The following ABCA5 variants were observed in gnomAD, a reference collection of about 807,000 sequenced individuals.
ABCA5 encodes ATP binding cassette subfamily A member 5.
ABCA5 carries 163 observed loss-of-function variants against 206.0 expected under a neutral mutation model. The observed-to-expected ratio is 0.79, with a 90% CI of 0.70 to 0.90. The LOEUF (loss-of-function observed/expected upper bound fraction) is 0.90. Among genes scored for constraint, ABCA5 ranks in the 40% least tolerant of loss-of-function variants. The pLI, the probability that ABCA5 is intolerant of heterozygous loss-of-function variation, is 0.00. For synonymous variants in ABCA5, 609 were observed against 613.8 expected (o/e 0.99, Z 0.11); for missense variants, 1,859 against 1,912.9 (o/e 0.97, Z 0.53).
At chr17:69,252,869 A>C (rs2075032615) in intron 34 of ABCA5, among the ~76,000 whole-genome samples, 2 of 151,910 alleles carry the variant, frequency 1.3e-5, no homozygotes, top group Non-Finnish European at 2.9e-5. Context: ...TTGTTCAACT[A>C]ATTAGTACTT....
At chr17:69,298,140 C>T (rs981723578) in intron 9 of ABCA5, among the ~76,000 whole-genome samples, 2 of 151,294 alleles carry the variant, frequency 1.3e-5, no homozygotes, top group African/African-American at 4.9e-5. Flanking sequence ...GAGCTGTGAT[C>T]GTGCCACTGC....
In ABCA5 at chr17:69,260,337, C is replaced by A. The variant is rs1206513696; in HGVS notation, c.3639+1G>T. On this transcript the variant is annotated splice_donor_variant, in intron 27 of 38. Coordinates refer to ENST00000392676, the MANE Select transcript of ABCA5 (RefSeq NM_172232.4). LOFTEE classifies it high-confidence loss of function. Reference sequence around the variant, plus strand: ...ATTCACAAAAACACTTTATTTCTTACCGATATAACAGCTACTGAAAGCCTA... The same window carrying A: ...ATTCACAAAAACACTTTATTTCTTAACGATATAACAGCTACTGAAAGCCTA... 1 of 1,596,604 alleles carries A rather than the reference C, an allele frequency of 6.3e-7. No homozygotes were observed. Among genetic ancestry groups the A allele is most frequent in the South Asian group, 1.1e-5 (1 of 88,950 alleles).
intron 24 of ABCA5, 43 bp from the exon 25 acceptor site, chr17:69,261,791 G>C (rs2075150833): frequency 1.3e-6 from 1 of 767,728 alleles, no homozygotes. Flanking sequence ...TGAATAGCTT[G>C]CAATACACAT....
rs187071607 is a variant in ABCA5, at chr17:69,281,153, A to G, written c.2392+2800T>C. On this transcript the variant is annotated intron_variant, in intron 18 of 38. Coordinates refer to ENST00000392676, the MANE Select transcript of ABCA5 (RefSeq NM_172232.4). The stretch of plus-strand genomic sequence containing the variant: ...ACAATTGAGGTTTATTTTAAACTCA[A>G]AAACATTCAGAACTTTCAACACAGA... Among the ~76,000 whole-genome samples, 133 of 152,036 alleles carry G rather than the reference A, an allele frequency of 8.7e-4. 1 individual carries two copies. In the Middle Eastern group the frequency reaches 0.014, roughly 16 times the overall value.
At chr17:69,309,507 A>G in intron 3 of ABCA5, 84 bp from the exon 4 acceptor site, 3 of 1,025,628 alleles carry the variant, frequency 2.9e-6, no homozygotes, top group South Asian at 4.6e-5. Flanking sequence ...ATTTTGATGA[A>G]TGGAATATTT....
In ABCA5 at chr17:69,326,193, C is replaced by T. The variant is rs887345004; in HGVS notation, c.-16+859G>A. Among the ~76,000 whole-genome samples, 1 of 152,198 alleles carries T rather than the reference C, an allele frequency of 6.6e-6. No individual in the cohort carries two copies. Among genetic ancestry groups the T allele is most frequent in the Non-Finnish European group, 1.5e-5 (1 of 68,028 alleles). On this transcript the variant is annotated intron_variant, in intron 1 of 38. Coordinates refer to ENST00000392676, the MANE Select transcript of ABCA5 (RefSeq NM_172232.4). This position sits in a 1 kb window ranked among gnomAD's most constrained non-coding sequence, Gnocchi z 4.8. The stretch of plus-strand genomic sequence containing the variant: ...CTTTGAGGCCCATTCTCCACACCTG[C>T]CCAACTGGAATAACCCCCTCCAATC...
chr17:69,301,203 G>A lies in ABCA5; in HGVS notation c.1203C>T (p.Ile401=). The A allele has an allele frequency of 6.2e-7, 1 of 1,602,710 alleles. No homozygotes were observed. The highest frequency in any genetic ancestry group is 1.1e-5 in the South Asian group (1 of 88,678). ...AGAATATACTATTAAGTGTGAGCATGATAATTGTAATAATTAGAGGATATG... is the reference window on the plus strand; with the variant it reads ...AGAATATACTATTAAGTGTGAGCATAATAATTGTAATAATTAGAGGATATG... The part of the protein sequence containing the change: ...AGPYPLIITI[I]MLTLNSIFYV... Residue 401 remains isoleucine (I), a synonymous_variant, in exon 9 of 39, where the codon ATC becomes ATT. Coordinates refer to ENST00000392676, the MANE Select transcript of ABCA5 (RefSeq NM_172232.4).
At chr17:69,314,640 C>G (rs956318820) in intron 1 of ABCA5, 1 of 428,892 alleles carries the variant, frequency 2.3e-6, no homozygotes, top group Non-Finnish European at 4.1e-6. Context: ...TAGGGTAGAC[C>G]AGAATTTGAA....
intron 26 of ABCA5, among the ~76,000 whole-genome samples, chr17:69,260,807 A>G (rs182537644): frequency 1.1e-3 from 166 of 151,958 alleles, no homozygotes; most frequent in Non-Finnish European, 1.7e-3. Context: ...ATTCTTTCTC[A>G]TCCCTTTATA....
Position 69,286,228 on chromosome 17 carries a change from G to C in ABCA5, c.2125C>G (p.Arg709Gly), listed in dbSNP as rs757213155. The C allele has an allele frequency of 3.7e-6, 6 of 1,602,196 alleles. No homozygotes were observed. The highest frequency in any genetic ancestry group is 3.4e-5 in the South Asian group (3 of 88,388). Residue 709 changes from arginine to glycine, a missense_variant, in exon 16 of 39, where the codon CGC becomes GGC. Arg to Gly is a moderately radical substitution (Grantham distance 125). Transcript: ENST00000392676. The part of the protein sequence containing the change: ...FLKSKWGIGY[R>G]LSMYIDKYCA... Reference sequence around the variant, plus strand: ...AATAAAAATGAATGATACCTCAGGCGGTAGCCGATCCCCCATTTACTTTTG... The same window carrying C: ...AATAAAAATGAATGATACCTCAGGCCGTAGCCGATCCCCCATTTACTTTTG...
intron 34 of ABCA5, 79 bp downstream of exon 34, chr17:69,253,494 A>G (rs1713828045): frequency 9.1e-6 from 8 of 877,192 alleles, no homozygotes. Flanking sequence ...TGTACATATA[A>G]CTAACATTAA....
At chr17:69,269,759 T>A (rs1176001645) in intron 22 of ABCA5, among the ~76,000 whole-genome samples, 1 of 152,162 alleles carries the variant, frequency 6.6e-6, no homozygotes, top group East Asian at 1.9e-4. Flanking sequence ...CACTGATACG[T>A]GTTACAAAAC....
rs142165698 is a variant in ABCA5, at chr17:69,277,786, C to A, written c.2449G>T (p.Asp817Tyr). The A allele has an allele frequency of 2.7e-4, 425 of 1,585,012 alleles. 4 individuals carry two copies. The African/African-American group carries it at 4.0e-3, about 15-fold the overall frequency. The change falls in exon 19 of 39, where the codon GAT becomes TAT. Residue 817 changes from aspartate to tyrosine, a missense_variant. Asp to Tyr is a radical substitution (Grantham distance 160, BLOSUM62 -3). Coordinates refer to ENST00000392676, the MANE Select transcript of ABCA5 (RefSeq NM_172232.4). ...LEEEMDSKSF[D>Y]EMEQSLLILS... ...ATAAGTAAGCTCTGTTCCATTTCAT[C>A]AAAAGATTTTGAATCCATTTCTTCC... is the stretch of plus-strand genomic sequence containing the variant.
intron 3 of ABCA5, among the ~76,000 whole-genome samples, chr17:69,311,225 T>C (rs1170458787): frequency 6.6e-6 from 1 of 151,974 alleles, no homozygotes; most frequent in Non-Finnish European, 1.5e-5. Flanking sequence ...AAATGCTTCA[T>C]AGATTCTAAA....
chr17:69,249,740 A>G (rs1033791539), intron 37 of ABCA5, 165 bp downstream of exon 37: 20 of 847,462 alleles, frequency 2.4e-5, no homozygotes, highest in Non-Finnish European at 3.5e-5. Flanking sequence ...AAATAAACCG[A>G]GTCCCCAGTT....
At position 69,270,637 on chromosome 17, in the gene ABCA5, C is replaced by A; in HGVS notation, c.3006G>T (p.Gln1002His). The A allele has an allele frequency of 6.3e-7, 1 of 1,594,470 alleles. No individual in the cohort carries two copies. Among genetic ancestry groups the A allele is most frequent in the Non-Finnish European group, 8.5e-7 (1 of 1,173,234 alleles). ...LYHLNVTETI[Q>H]IWSTPFFQEI... is the part of the protein sequence containing the mutation. ...CTTGAAAGAATGGGGTACTCCAGATCTGGATGGTTTCAGTCACATTTAAAT... is the reference window on the plus strand; with the variant it reads ...CTTGAAAGAATGGGGTACTCCAGATATGGATGGTTTCAGTCACATTTAAAT... The change falls in exon 22 of 39, where the codon CAG becomes CAT. Residue 1002 changes from glutamine (Q) to histidine (H), a missense_variant. Coordinates refer to ENST00000392676, the MANE Select transcript of ABCA5 (RefSeq NM_172232.4).
chr17:69,316,304 C>T (rs950505565), intron 1 of ABCA5, among the ~76,000 whole-genome samples: 1 of 152,086 alleles, frequency 6.6e-6, no homozygotes, highest in African/African-American at 2.4e-5. Context: ...ACCAGCCTGG[C>T]CAACATGGTA....
At chr17:69,324,578 T>C (rs1349002140) in intron 1 of ABCA5, among the ~76,000 whole-genome samples, 1 of 152,188 alleles carries the variant, frequency 6.6e-6, no homozygotes, top group Non-Finnish European at 1.5e-5. Context: ...AGCAATCACA[T>C]ATTCCACTAG....
intron 1 of ABCA5, among the ~76,000 whole-genome samples, chr17:69,324,124 A>T (rs1255156974): frequency 6.6e-6 from 1 of 152,224 alleles, no homozygotes; most frequent in African/African-American, 2.4e-5. Context: ...AAGGAAGAAG[A>T]GGGGAAGTGA....
Sources: allele counts gnomAD v4.1 joint callset (sites outside exome capture counted in the v4.1 genomes callset), GRCh38; gene constraint gnomAD v4.1.1; non-coding constraint Gnocchi (gnomAD v3.1); transcripts MANE v1.5; gene names NCBI Gene and HGNC (gene_info 2026-07-23, HGNC 2026-07-21).